DMXL1: variants seen among roughly 807,000 people sequenced by gnomAD.
The protein encoded by DMXL1 is Dmx like 1, also known as dmX-like protein 1.
DMXL1 carries 99 observed loss-of-function variants against 319.2 expected under a neutral mutation model. The observed-to-expected ratio is 0.31, with a 90% CI of 0.26 to 0.37. The LOEUF is 0.37. Ranked by LOEUF, DMXL1 falls within the 10% of genes least tolerant of loss-of-function variation. The pLI is 1.00. For synonymous variants in DMXL1, 1,385 were observed against 1,235.2 expected (o/e 1.12, Z -2.54); for missense variants, 3,745 against 3,595.6 (o/e 1.04, Z -1.06).
rs757718110 is a variant in DMXL1, at chr5:119,071,593, C to T, written c.24C>T (p.Thr8=). 17 of 1,605,436 alleles carry T rather than the reference C, an allele frequency of 1.1e-5. No individual in the cohort carries two copies. Among genetic ancestry groups the T allele is most frequent in the Non-Finnish European group, 1.3e-5 (15 of 1,176,458 alleles). Residue 8 remains threonine (T), a synonymous_variant, in exon 1 of 44, where the codon ACC becomes ACT. Coordinates refer to ENST00000539542, the MANE Select transcript of DMXL1 (RefSeq NM_001290321.3). MNLHQVL[T]GAVNPGDHCF... ...ACATGAACCTGCACCAGGTGCTGAC[C>T]GGGGCTGTGAACCCTGGCGACCACT...
chr5:119,090,627 A>G (rs1362365733), intron 1 of DMXL1, among the ~76,000 whole-genome samples: 4 of 143,516 alleles, frequency 2.8e-5, no homozygotes, highest in African/African-American at 1.0e-4. Context: ...CAATGGCGCG[A>G]TCTCGGCTCA....
intron 28 of DMXL1, among the ~76,000 whole-genome samples, chr5:119,182,218 A>C (rs1237530749): frequency 1.3e-5 from 2 of 152,214 alleles, no homozygotes; most frequent in Non-Finnish European, 2.9e-5. Context: ...AGTTGACTTG[A>C]ATCCAGTTAA....
chr5:119,161,193 G>T (rs191260192), intron 19 of DMXL1, among the ~76,000 whole-genome samples: 84 of 152,290 alleles, frequency 5.5e-4, no homozygotes, highest in Non-Finnish European at 5.1e-4. Context: ...TCTCTAGGTG[G>T]CTAGGCCCCT....
intron 31 of DMXL1, 89 bp downstream of exon 31, chr5:119,196,545 G>A (rs1205707751): frequency 1.1e-6 from 1 of 880,638 alleles, no homozygotes; most frequent in Non-Finnish European, 1.8e-6. Flanking sequence ...GGTCTGGACT[G>A]GGGGGAAAAT....
chr5:119,234,863 G>C (rs1050948800), intron 39 of DMXL1, among the ~76,000 whole-genome samples: 1 of 151,790 alleles, frequency 6.6e-6, no homozygotes, highest in African/African-American at 2.4e-5. Context: ...ACCCTTCAAG[G>C]CTCCTCATGT....
intron 1 of DMXL1, among the ~76,000 whole-genome samples, chr5:119,089,826 A>T (rs1203976470): frequency 6.6e-6 from 1 of 151,032 alleles, no homozygotes; most frequent in African/African-American, 2.4e-5. Context: ...GGGTTTCTCC[A>T]GGTTGGTCAG....
Position 119,201,906 on chromosome 5 carries a change from GTGGTAACAT to G in DMXL1, c.7746-1412_7746-1404del, listed in dbSNP as rs572093804. ...GGTTATTTTTATTTCTGTGGGGTCA[GTGGTAACAT>G]CTCCTTGGTCATTTCTAATTGTGTT... On this transcript the variant is annotated intron_variant, in intron 32 of 43. Coordinates refer to ENST00000539542, the MANE Select transcript of DMXL1 (RefSeq NM_001290321.3). Among the ~76,000 whole-genome samples the G allele has an allele frequency of 2.7e-3, 414 of 152,208 alleles. 1 individual carries two copies. The highest frequency in any genetic ancestry group is 3.6e-3 in the Non-Finnish European group (245 of 67,994).
intron 20 of DMXL1, 114 bp from the exon 21 acceptor site, chr5:119,165,067 CAT>C (rs1773135324): frequency 4.6e-6 from 3 of 645,810 alleles, no homozygotes; most frequent in Admixed American, 3.1e-5. Context: ...TATTCATATA[CAT>C]ATTTTTAAAA....
rs145643890 is a variant in DMXL1 at position 119,201,327 on chromosome 5, T to C, written c.7746-1992T>C. Among the ~76,000 whole-genome samples, 430 of 152,342 alleles carry C rather than the reference T, an allele frequency of 2.8e-3. 2 individuals carry two copies. The highest frequency in any genetic ancestry group is 9.8e-3 in the African/African-American group (409 of 41,584). Reference sequence around the variant, plus strand: ...TTTTCTTCATCTATTGATATAATTATGTGGTTTTTGTCTTTAGTTCTGTTT... The same window carrying C: ...TTTTCTTCATCTATTGATATAATTACGTGGTTTTTGTCTTTAGTTCTGTTT... On this transcript the variant is annotated intron_variant, in intron 32 of 43. Coordinates refer to ENST00000539542, the MANE Select transcript of DMXL1 (RefSeq NM_001290321.3).
chr5:119,218,309 C>A (rs1784043366), intron 35 of DMXL1, among the ~76,000 whole-genome samples: 1 of 152,046 alleles, frequency 6.6e-6, no homozygotes, highest in African/African-American at 2.4e-5. Flanking sequence ...TTGTTTTCTT[C>A]TTGAGGGTTT....
At chr5:119,093,294 C>T (rs1755203797) in intron 1 of DMXL1, among the ~76,000 whole-genome samples, 1 of 152,062 alleles carries the variant, frequency 6.6e-6, no homozygotes, top group South Asian at 2.1e-4. Flanking sequence ...AATGAGCACG[C>T]CTGGCTAATT....
chr5:119,094,250 A>C (rs530064852), intron 1 of DMXL1, among the ~76,000 whole-genome samples: 1 of 152,366 alleles, frequency 6.6e-6, no homozygotes, highest in East Asian at 1.9e-4. Flanking sequence ...TTAGGGGCTA[A>C]TGCAGTTGGT....
Position 119,071,279 on chromosome 5 carries a change from G to A in DMXL1, c.-291G>A. The A allele has an allele frequency of 2.4e-6, 1 of 416,520 alleles. No individual in the cohort carries two copies. The highest frequency in any genetic ancestry group is 4.3e-6 in the Non-Finnish European group (1 of 230,134). 25.8% of individuals were successfully genotyped at this position (416,520 alleles called of 1,614,324 possible). A position where few individuals can be genotyped will look rare whatever the true frequency, so the allele number is the denominator to read the frequency against. On this transcript the variant is annotated 5_prime_UTR_variant, in exon 1 of 44. Transcript: ENST00000539542. ...GCCGGTGAGTCGGCCCCGGGTCGTG[G>A]CCGGTGAGGGGACCCTGAGCTTCAC... is the stretch of plus-strand genomic sequence containing the variant.
chr5:119,198,095 T>A, intron 32 of DMXL1, 139 bp downstream of exon 32: 1 of 752,494 alleles, frequency 1.3e-6, no homozygotes, highest in Non-Finnish European at 2.2e-6. Context: ...TTCAAGTGAT[T>A]CTCCTGCCTC....
At chr5:119,096,934 A>G (rs1177098256) in intron 1 of DMXL1, among the ~76,000 whole-genome samples, 1 of 152,220 alleles carries the variant, frequency 6.6e-6, no homozygotes, top group Non-Finnish European at 1.5e-5. Flanking sequence ...CCTTTTTGGA[A>G]TTTAACTTTT....
chr5:119,083,931 C>T (rs188145645), intron 1 of DMXL1, among the ~76,000 whole-genome samples: 5 of 152,326 alleles, frequency 3.3e-5, no homozygotes, highest in African/African-American at 1.2e-4. Flanking sequence ...TCTCCTTTCT[C>T]TGCATTTTTG....
At chr5:119,146,551 T>G (rs1768583532) in intron 15 of DMXL1, among the ~76,000 whole-genome samples, 1 of 151,992 alleles carries the variant, frequency 6.6e-6, no homozygotes, top group Non-Finnish European at 1.5e-5. Flanking sequence ...GTTTAGAAAT[T>G]TCCTACTTCT....
chr5:119,230,740 G>T (rs929268258), intron 38 of DMXL1, among the ~76,000 whole-genome samples: 8 of 152,062 alleles, frequency 5.3e-5, no homozygotes, highest in Admixed American at 4.6e-4. Flanking sequence ...AAATTAGCTG[G>T]GCGTGGTGGC....
intron 31 of DMXL1, among the ~76,000 whole-genome samples, chr5:119,196,915 A>G (rs1779742848): frequency 2.6e-5 from 4 of 152,230 alleles, no homozygotes; most frequent in Admixed American, 2.0e-4. Flanking sequence ...AGATTTTTAT[A>G]AGACACTATC....
Sources: allele counts gnomAD v4.1 joint callset (sites outside exome capture counted in the v4.1 genomes callset), GRCh38; gene constraint gnomAD v4.1.1; transcripts MANE v1.5; gene names NCBI Gene and HGNC (gene_info 2026-07-23, HGNC 2026-07-21).